Variants in PRH1 observed in about 807,000 individuals in gnomAD.
PRH1 encodes the protein salivary acidic proline-rich phosphoprotein 1/2.
PRH1 carries 7 observed loss-of-function variants against 7.9 expected under a neutral mutation model. The ratio of observed to expected loss-of-function variants is 0.89; its 90% confidence interval spans 0.50 to 1.67. The LOEUF is 1.67. Ranked by LOEUF, PRH1 falls within the 40% of genes most tolerant of loss-of-function variation. PRH1 has a pLI of 0.00. For missense variants in PRH1, 109 were observed against 223.6 expected, an observed-to-expected ratio of 0.49 and a Z score of 3.27; for synonymous variants, 45 against 80.8, an observed-to-expected ratio of 0.56 and a Z score of 2.38.
chr12:11,064,626 TGC>T (rs1012454469), intron 1 of PRH1, among the ~76,000 whole-genome samples: 16 of 152,166 alleles, frequency 1.1e-4, no homozygotes, highest in African/African-American at 3.9e-4. Flanking sequence ...TTCTATTTTT[TGC>T]CATTTGCATG....
chr12:11,020,582 C>CTT (rs1307647519), intron 1 of PRH1, among the ~76,000 whole-genome samples: 1 of 151,920 alleles, frequency 6.6e-6, no homozygotes, highest in African/African-American at 2.4e-5. Context: ...CATCAACACA[C>CTT]TGTGTAATTT....
rs553440288 is a variant in PRH1 at position 11,092,979 on chromosome 12, G to C, written n.124-45791C>G. On this transcript the variant is annotated intron_variant and non_coding_transcript_variant, in intron 1 of 4. Transcript: ENST00000541977. ...AAATTAACTCATTCATTCACTGTCT[G>C]TTCTTGTTATAGGCTGGAATTATTC... Among the ~76,000 whole-genome samples the C allele has an allele frequency of 8.0e-3, 922 of 115,248 alleles. 279 individuals carry two copies. Among genetic ancestry groups the C allele is most frequent in the Non-Finnish European group, 0.014 (670 of 48,694 alleles). 75.6% of individuals were successfully genotyped at this position (115,248 alleles called of 152,430 possible). A position where few individuals can be genotyped will look rare whatever the true frequency, so the allele number is the denominator to read the frequency against.
intron 1 of PRH1, among the ~76,000 whole-genome samples, chr12:10,995,657 A>C (rs1940186503): frequency 6.6e-6 from 1 of 152,126 alleles, no homozygotes; most frequent in Non-Finnish European, 1.5e-5. Flanking sequence ...CTTTTTGAGG[A>C]ATTTTAAGGA....
At chr12:11,023,236 GAC>G (rs1001923227) in intron 1 of PRH1, among the ~76,000 whole-genome samples, 4 of 152,018 alleles carry the variant, frequency 2.6e-5, no homozygotes, top group Non-Finnish European at 5.9e-5. Context: ...TAAACACATA[GAC>G]ACACATGCAC....
chr12:11,151,231 G>A (rs1402813586), intron 1 of PRH1, among the ~76,000 whole-genome samples: 2 of 151,100 alleles, frequency 1.3e-5, no homozygotes, highest in Non-Finnish European at 2.9e-5. Context: ...TGCACACGAA[G>A]TTGCAGGCTG....
chr12:10,903,944 A>C (rs1004224856), intron 2 of PRH1, among the ~76,000 whole-genome samples: 2 of 146,016 alleles, frequency 1.4e-5, no homozygotes, highest in Non-Finnish European at 3.0e-5. Flanking sequence ...AAAAAAAAAA[A>C]AAAAAAAAAA....
intron 2 of PRH1, chr12:10,930,568 A>G: frequency 1.9e-6 from 3 of 1,568,640 alleles, no homozygotes; most frequent in Non-Finnish European, 2.6e-6. Context: ...CAGGTCAGGG[A>G]GAGAGGGGCC....
In PRH1 at chr12:11,091,201, T is replaced by C. The variant is rs1223067798; in HGVS notation, n.124-44013A>G. 37 of 1,006,860 alleles carry C rather than the reference T, an allele frequency of 3.7e-5. 9 individuals carry two copies. Among genetic ancestry groups the C allele is most frequent in the Non-Finnish European group, 5.0e-5 (36 of 723,696 alleles). 62.4% of individuals were successfully genotyped at this position (1,006,860 alleles called of 1,614,324 possible). A position where few individuals can be genotyped will look rare whatever the true frequency, so the allele number is the denominator to read the frequency against. On this transcript the variant is annotated intron_variant and non_coding_transcript_variant, in intron 1 of 4. Transcript: ENST00000541977. ...TAGGTATACGTTTGGAAATTATTCA[T>C]ACACATACAGTATAGAAAAACCAGT...
rs1335690120 is a variant in PRH1 at position 11,093,023 on chromosome 12, G to A, written n.124-45835C>T. Reference sequence around the variant, plus strand: ...ATTATTCACACTGAAATTGACGTGAGACCTGAATCCTCATTTGCTAGTATG... The same window carrying A: ...ATTATTCACACTGAAATTGACGTGAAACCTGAATCCTCATTTGCTAGTATG... On this transcript the variant is annotated intron_variant and non_coding_transcript_variant, in intron 1 of 4. Coordinates refer to the PRH1 transcript ENST00000541977. Among the ~76,000 whole-genome samples, 230 of 115,710 alleles carry A rather than the reference G, an allele frequency of 2.0e-3. 74 individuals are homozygous for A. The highest frequency in any genetic ancestry group is 7.9e-3 in the Middle Eastern group (2 of 254). The allele number at this position is 115,710 out of a possible 152,430, so 75.9% of individuals were successfully genotyped here.
chr12:11,018,967 G>C (rs77597317), intron 1 of PRH1, among the ~76,000 whole-genome samples: 1 of 151,168 alleles, frequency 6.6e-6, no homozygotes, highest in Non-Finnish European at 1.5e-5. Flanking sequence ...AGAAAGCGGG[G>C]AAACATAGGG....
chr12:10,906,214 C>T (rs940967073), intron 2 of PRH1, among the ~76,000 whole-genome samples: 2 of 152,160 alleles, frequency 1.3e-5, no homozygotes, highest in African/African-American at 4.8e-5. Context: ...GTTCTGACAG[C>T]AGAGAAAATG....
intron 2 of PRH1, among the ~76,000 whole-genome samples, chr12:10,969,560 AT>A (rs111473064): frequency 0.24 from 36,956 of 151,566 alleles, 4,544 homozygotes; most frequent in Non-Finnish European, 0.25. Context: ...TTTGCTAGCT[AT>A]TTTTTTTCTT....
intron 1 of PRH1, chr12:11,134,250 A>C (rs754373089): frequency 1.7e-5 from 28 of 1,600,592 alleles, no homozygotes; most frequent in African/African-American, 6.8e-5. Flanking sequence ...ATCATGTCTG[A>C]ACAGACAAAA....
chr12:11,000,006 G>T (rs562293119), intron 1 of PRH1, among the ~76,000 whole-genome samples: 1 of 151,810 alleles, frequency 6.6e-6, no homozygotes, highest in Non-Finnish European at 1.5e-5. Flanking sequence ...GTCTATTTTT[G>T]AGCTATTATG....
chr12:11,056,727 A>G (rs1943375257), intron 1 of PRH1, among the ~76,000 whole-genome samples: 1 of 152,168 alleles, frequency 6.6e-6, no homozygotes. Context: ...CTGCAGCAAA[A>G]GAATCATTTG....
downstream of PRH1, among the ~76,000 whole-genome samples, chr12:11,120,051 C>G (rs200393233): frequency 1.4e-4 from 21 of 152,204 alleles, no homozygotes; most frequent in Non-Finnish European, 2.6e-4. Flanking sequence ...TGCCAAAATA[C>G]TTATTTTTAA....
downstream of PRH1, among the ~76,000 whole-genome samples, chr12:11,120,450 T>A (rs1183727371): frequency 6.6e-6 from 1 of 152,158 alleles, no homozygotes; most frequent in Non-Finnish European, 1.5e-5. Flanking sequence ...CTGCGGCTCA[T>A]GTTACCCTAA....
chr12:11,144,080 T>A (rs1324404693), intron 1 of PRH1, among the ~76,000 whole-genome samples: 1 of 152,002 alleles, frequency 6.6e-6, no homozygotes, highest in African/African-American at 2.4e-5. Context: ...TACCAGGAGG[T>A]GGTGCTTTCC....
chr12:11,137,889 T>A (rs1284789569), intron 1 of PRH1, among the ~76,000 whole-genome samples: 1 of 152,170 alleles, frequency 6.6e-6, no homozygotes, highest in Non-Finnish European at 1.5e-5. Context: ...TGCTATTTGA[T>A]AAATGTGATT....
Sources: gnomAD v4.1 joint callset for allele counts (sites outside exome capture counted in the v4.1 genomes callset) on GRCh38, gnomAD v4.1.1 for gene constraint, MANE v1.5 for transcripts, NCBI Gene and HGNC (gene_info 2026-07-23, HGNC 2026-07-21) for gene names.